Variants in OPCML observed in about 807,000 individuals in gnomAD.
The protein encoded by OPCML is opioid-binding protein/cell adhesion molecule.
Under a neutral mutation model 37.8 loss-of-function variants are expected in OPCML, and 13 were observed. That is an observed-to-expected ratio of 0.34 (90% confidence interval 0.22 to 0.55). The LOEUF (loss-of-function observed/expected upper bound fraction) is 0.55. Among genes scored for constraint, OPCML ranks in the 20% least tolerant of loss-of-function variants. The probability of loss-of-function intolerance (pLI) is 0.91; values close to 1 mark genes in which losing one functional copy is unlikely to be tolerated. For synonymous variants in OPCML, 176 were observed against 168.8 expected (o/e 1.04, Z -0.33); for missense variants, 341 against 435.6 (o/e 0.78, Z 1.93).
intron 1 of OPCML, among the ~76,000 whole-genome samples, chr11:133,028,676 C>A (rs1256179192): frequency 1.3e-5 from 2 of 151,588 alleles, no homozygotes; most frequent in African/African-American, 4.9e-5. Flanking sequence ...GAAACTGGAC[C>A]CCTACCTCTC....
At chr11:132,587,296 T>C (rs1350901018) in intron 3 of OPCML, among the ~76,000 whole-genome samples, 1 of 152,208 alleles carries the variant, frequency 6.6e-6, no homozygotes, top group African/African-American at 2.4e-5. Context: ...TTAGGTGGTT[T>C]AGGAAGAGAC....
At chr11:133,083,127 A>G (rs1948763392) in intron 1 of OPCML, among the ~76,000 whole-genome samples, 1 of 151,802 alleles carries the variant, frequency 6.6e-6, no homozygotes, top group Admixed American at 6.6e-5. Context: ...CACATCACAC[A>G]CACCACGCAC....
chr11:133,308,344 G>A (rs887520025), intron 1 of OPCML, among the ~76,000 whole-genome samples: 3 of 151,944 alleles, frequency 2.0e-5, no homozygotes, highest in African/African-American at 7.3e-5. Context: ...GATTACACAA[G>A]TATGAAACAA....
chr11:132,829,230 C>G (rs918502045), intron 2 of OPCML, among the ~76,000 whole-genome samples: 1 of 152,192 alleles, frequency 6.6e-6, no homozygotes, highest in East Asian at 1.9e-4. Flanking sequence ...GCTGATCGTA[C>G]TGTGCTAACT....
chr11:132,913,935 C>T (rs376201296), intron 2 of OPCML, among the ~76,000 whole-genome samples: 3 of 152,310 alleles, frequency 2.0e-5, no homozygotes, highest in South Asian at 2.1e-4. Flanking sequence ...GGCATCCTTT[C>T]GACTCATTTT....
chr11:132,656,108 G>A (rs567636459), intron 3 of OPCML, among the ~76,000 whole-genome samples: 19 of 152,244 alleles, frequency 1.2e-4, no homozygotes, highest in Admixed American at 5.2e-4. Context: ...TTCATTTGGT[G>A]GAGGAAGGAT....
intron 1 of OPCML, among the ~76,000 whole-genome samples, chr11:133,348,466 C>T (rs1944051803): frequency 6.6e-6 from 1 of 152,172 alleles, no homozygotes; most frequent in African/African-American, 2.4e-5. Context: ...TACAGGCAGA[C>T]ATTTAGAAAG....
chr11:133,144,543 C>A (rs1949871640), intron 1 of OPCML, among the ~76,000 whole-genome samples: 1 of 152,212 alleles, frequency 6.6e-6, no homozygotes, highest in Non-Finnish European at 1.5e-5. Context: ...CCAGGGAAGC[C>A]TTCAGCTGTG....
chr11:132,444,959 T>TAA (rs930134398), intron 4 of OPCML, among the ~76,000 whole-genome samples: 5 of 152,250 alleles, frequency 3.3e-5, no homozygotes, highest in Admixed American at 3.3e-4. Flanking sequence ...TGAATTGTGC[T>TAA]AAAGTCATTT....
chr11:132,461,130 TCCTC>T (rs1322444625), intron 4 of OPCML, among the ~76,000 whole-genome samples: 4 of 152,176 alleles, frequency 2.6e-5, no homozygotes, highest in African/African-American at 9.6e-5. Context: ...TATTTGGTCT[TCCTC>T]CCCTCTCCTG....
At chr11:133,207,286 T>C (rs865896763) in intron 1 of OPCML, among the ~76,000 whole-genome samples, 54 of 151,668 alleles carry the variant, frequency 3.6e-4, no homozygotes, top group Middle Eastern at 3.2e-3. Flanking sequence ...GGCGACAGAG[T>C]GAGACTCCAT....
intron 3 of OPCML, among the ~76,000 whole-genome samples, chr11:132,550,668 G>A (rs2096379523): frequency 6.6e-6 from 1 of 152,210 alleles, no homozygotes; most frequent in African/African-American, 2.4e-5. Flanking sequence ...GACTCAGTCT[G>A]TTAGCAGGGA....
intron 1 of OPCML, among the ~76,000 whole-genome samples, chr11:133,058,938 C>T (rs569774127): frequency 4.6e-5 from 7 of 152,338 alleles, no homozygotes; most frequent in South Asian, 2.1e-4. Context: ...CCTAGGCTGC[C>T]GCCACTGGGC....
In OPCML at chr11:132,630,400, A is replaced by T. The variant is rs549355917; in HGVS notation, c.379+26687T>A. Among the ~76,000 whole-genome samples, 47 of 152,334 alleles carry T rather than the reference A, an allele frequency of 3.1e-4. 1 individual carries two copies. Among genetic ancestry groups the T allele is most frequent in the Non-Finnish European group, 6.2e-4 (42 of 68,030 alleles). ...TGGTGAAACTCTGTCTCTACTAAAAATACAAAAATTAGCTGGGCGTGGTGG... is the reference window on the plus strand; with the variant it reads ...TGGTGAAACTCTGTCTCTACTAAAATTACAAAAATTAGCTGGGCGTGGTGG... On this transcript the variant is annotated intron_variant, in intron 3 of 7. Coordinates refer to ENST00000524381, the MANE Select transcript of OPCML (RefSeq NM_001012393.5).
At chr11:133,293,855 AT>A (rs567175594) in intron 1 of OPCML, among the ~76,000 whole-genome samples, 2 of 149,774 alleles carry the variant, frequency 1.3e-5, no homozygotes, top group Non-Finnish European at 3.0e-5. Context: ...CTCTTTGAGC[AT>A]ATTACCCTTA....
chr11:132,875,025 T>C (rs377306093), intron 2 of OPCML, among the ~76,000 whole-genome samples: 4 of 152,360 alleles, frequency 2.6e-5, no homozygotes, highest in African/African-American at 9.6e-5. Context: ...TAAGATTTTC[T>C]AAAAATATAA....
At chr11:132,765,107 A>G (rs746190024) in intron 2 of OPCML, among the ~76,000 whole-genome samples, 3 of 152,196 alleles carry the variant, frequency 2.0e-5, no homozygotes, top group Admixed American at 1.3e-4. Context: ...GGATCTAGAT[A>G]TGATGATGGT....
chr11:133,036,525 G>A (rs934981600), intron 1 of OPCML, among the ~76,000 whole-genome samples: 5 of 152,162 alleles, frequency 3.3e-5, no homozygotes, highest in Non-Finnish European at 5.9e-5. Flanking sequence ...GTCTATTAAA[G>A]CATATCAAAC....
intron 1 of OPCML, among the ~76,000 whole-genome samples, chr11:133,479,182 C>T (rs1277734711): frequency 6.6e-6 from 1 of 152,202 alleles, no homozygotes; most frequent in Non-Finnish European, 1.5e-5. Context: ...CTTGGAGGAA[C>T]TGTAACAGAT....
Sources: allele counts gnomAD v4.1 joint callset (sites outside exome capture counted in the v4.1 genomes callset), GRCh38; gene constraint gnomAD v4.1.1; transcripts MANE v1.5; gene names NCBI Gene and HGNC (gene_info 2026-07-23, HGNC 2026-07-21).